ARID1B: variants seen among roughly 807,000 people sequenced by gnomAD.
ARID1B encodes the protein AT-rich interaction domain 1B.
ARID1B carries 30 observed loss-of-function variants against 212.3 expected under a neutral mutation model. The ratio of observed to expected loss-of-function variants is 0.14; its 90% CI spans 0.11 to 0.19. The LOEUF is 0.19. Ranked by LOEUF, ARID1B falls within the 10% of genes least tolerant of loss-of-function variation. The pLI is 1.00. For synonymous variants in ARID1B, 1,402 were observed against 1,301.7 expected, an observed-to-expected ratio of 1.08 and a Z score of -1.66; for missense variants, 2,891 against 3,204.0, an observed-to-expected ratio of 0.90 and a Z score of 2.36.
chr6:157,098,994 C>T (rs913605284), intron 5 of ARID1B, among the ~76,000 whole-genome samples: 6 of 152,104 alleles, frequency 3.9e-5, no homozygotes, highest in Admixed American at 1.3e-4. Context: ...GACGGAGTCT[C>T]GCTCTGTCAC....
intron 4 of ARID1B, among the ~76,000 whole-genome samples, chr6:156,956,787 G>C (rs994116114): frequency 6.6e-6 from 1 of 152,176 alleles, no homozygotes; most frequent in Non-Finnish European, 1.5e-5. Flanking sequence ...GTCCCTATCT[G>C]TGTTGTCCAG....
intron 1 of ARID1B, among the ~76,000 whole-genome samples, chr6:156,813,878 G>A (rs1781783931): frequency 6.6e-6 from 1 of 152,116 alleles, no homozygotes; most frequent in Admixed American, 6.6e-5. Flanking sequence ...CAGTGGAATA[G>A]CACGAGAAGT....
At position 156,839,704 on chromosome 6, in the gene ARID1B, C is replaced by T. The variant is rs192500017; in HGVS notation, c.1986+10283C>T. 5.9e-4 allele frequency among the ~76,000 whole-genome samples: 90 copies of T among 152,258 alleles called. 1 individual carries two copies. Among genetic ancestry groups the T allele is most frequent in the Admixed American group, 3.1e-3 (48 of 15,294 alleles). On this transcript the variant is annotated intron_variant, in intron 2 of 19. Coordinates refer to ENST00000636930, the MANE Select transcript of ARID1B (RefSeq NM_001374828.1). ...GCATCTGATGTATCACAGCACACTT[C>T]CAGGAATGGCGGTTAAGGGGTGCTT...
At chr6:156,952,367 C>T (rs1380849540) in intron 4 of ARID1B, among the ~76,000 whole-genome samples, 2 of 152,198 alleles carry the variant, frequency 1.3e-5, no homozygotes, top group African/African-American at 4.8e-5. Context: ...TTTTCTCGAA[C>T]TTACTGACTT....
intron 4 of ARID1B, among the ~76,000 whole-genome samples, chr6:157,053,831 T>C (rs1486992623): frequency 6.6e-6 from 1 of 152,162 alleles, no homozygotes; most frequent in East Asian, 1.9e-4. Flanking sequence ...CCCAGCACTT[T>C]GGGAGGCCGA....
intron 3 of ARID1B, among the ~76,000 whole-genome samples, chr6:156,905,549 G>A (rs62434286): frequency 0.047 from 7,132 of 152,234 alleles, 227 homozygotes; most frequent in Middle Eastern, 0.11. Context: ...TACCTTCCAA[G>A]ATCACATGTA....
chr6:157,165,889 C>A (rs570219105), intron 8 of ARID1B: 1 of 152,140 alleles, frequency 6.6e-6, no homozygotes, highest in Non-Finnish European at 1.5e-5. Context: ...TTATGTTAAT[C>A]TTTTAAAGGA....
In ARID1B at chr6:157,132,212, G is replaced by A. The variant is rs117004981; in HGVS notation, c.2582-816G>A. On this transcript the variant is annotated intron_variant, in intron 6 of 19. Coordinates refer to ENST00000636930, the MANE Select transcript of ARID1B (RefSeq NM_001374828.1). The stretch of plus-strand genomic sequence containing the variant: ...GGAAGAAGTACCATGCACGATCTAT[G>A]TCGGAGCGGAGTCACCAGGATGTGC... Among the ~76,000 whole-genome samples the A allele has an allele frequency of 5.7e-4, 87 of 152,344 alleles. No individual in the cohort carries two copies. In the East Asian group the frequency reaches 0.014, roughly 25 times the overall value.
intron 8 of ARID1B, among the ~76,000 whole-genome samples, chr6:157,162,904 C>T (rs1791038446): frequency 2.0e-5 from 3 of 152,254 alleles, no homozygotes; most frequent in Admixed American, 6.5e-5. Context: ...GCCATGGACT[C>T]GGCATCTGCA....
chr6:157,103,444 A>C (rs1236331287), intron 5 of ARID1B, among the ~76,000 whole-genome samples: 2 of 152,230 alleles, frequency 1.3e-5, no homozygotes, highest in Non-Finnish European at 2.9e-5. Context: ...AAATCGTAGA[A>C]CGTGGCACTT....
At chr6:156,820,096 A>G (rs1782249214) in intron 1 of ARID1B, among the ~76,000 whole-genome samples, 1 of 152,030 alleles carries the variant, frequency 6.6e-6, no homozygotes, top group East Asian at 1.9e-4. Context: ...GAGCCTGTGG[A>G]TGTCTGGGCA....
At chr6:157,147,192 C>T (rs1789795963) in intron 7 of ARID1B, among the ~76,000 whole-genome samples, 1 of 151,418 alleles carries the variant, frequency 6.6e-6, no homozygotes, top group African/African-American at 2.4e-5. Context: ...ACTGCCATCC[C>T]TCACCCCCGC....
At chr6:156,797,506 G>A (rs991223655) in intron 1 of ARID1B, among the ~76,000 whole-genome samples, 5 of 152,204 alleles carry the variant, frequency 3.3e-5, no homozygotes, top group Admixed American at 3.3e-4. Flanking sequence ...GAAATGACCA[G>A]TGGCAGCCCC....
At chr6:156,849,440 G>C (rs1252744041) in intron 2 of ARID1B, among the ~76,000 whole-genome samples, 1 of 152,180 alleles carries the variant, frequency 6.6e-6, no homozygotes, top group Non-Finnish European at 1.5e-5. Context: ...TAATTTTCAG[G>C]CTATACCCCA....
chr6:156,784,835 C>G (rs1779525329), intron 1 of ARID1B, among the ~76,000 whole-genome samples: 1 of 152,216 alleles, frequency 6.6e-6, no homozygotes, highest in Non-Finnish European at 1.5e-5. Flanking sequence ...TCTTGGCTCA[C>G]TGTGGCCTTG....
Position 156,779,469 on chromosome 6 carries a change from C to A in ARID1B, c.1789C>A (p.Gln597Lys). ...CCCCGGACCGACCATGGGCAGATCC[C>A]AGGTAACCCTCGCGCCAGCCGGGCC... ...GTPGPTMGRS[Q>K]GSPMDPMVMK... The change falls in exon 1 of 20, where the codon CAG becomes AAG. Residue 597 changes from glutamine to lysine, a missense_variant and splice_region_variant. Transcript: ENST00000636930. 4 of 1,402,100 alleles carry A rather than the reference C, an allele frequency of 2.9e-6. No individual in the cohort carries two copies. Among genetic ancestry groups the A allele is most frequent in the Non-Finnish European group, 3.7e-6 (4 of 1,072,116 alleles). 86.9% of individuals were successfully genotyped at this position (1,402,100 alleles called of 1,614,324 possible).
chr6:157,023,747 A>G (rs1252314617), intron 4 of ARID1B: 11 of 152,184 alleles, frequency 7.2e-5, no homozygotes, highest in Non-Finnish European at 1.6e-4. Flanking sequence ...AGTAATTTCT[A>G]TTTGCTGCAA....
chr6:157,062,261 G>A (rs1187174556), intron 4 of ARID1B, among the ~76,000 whole-genome samples: 4 of 151,308 alleles, frequency 2.6e-5, no homozygotes, highest in African/African-American at 4.9e-5. Flanking sequence ...GTACAGTGGC[G>A]CCATAGCTCA....
At position 156,779,028 on chromosome 6, in the gene ARID1B, G is replaced by A. The variant is rs1778958537; in HGVS notation, c.1348G>A (p.Val450Met). Residue 450 changes from valine (V) to methionine (M), a missense_variant, in exon 1 of 20, where the codon GTG (valine) becomes ATG (methionine). By Grantham distance (21) the Val-to-Met change is conservative. This residue lies in a region of ARID1B where 1,643 missense variants were observed against 1,544.0 expected (regional missense o/e 1.06). Coordinates refer to ENST00000636930, the MANE Select transcript of ARID1B (RefSeq NM_001374828.1). ...GYGGSSAGYG[V>M]LSSPRQQGGG... ...TGGGGGCTCGTCCGCGGGGTACGGG[G>A]TGCTGAGCTCCCCCCGGCAGCAGGG... is the stretch of plus-strand genomic sequence containing the variant. 2 of 1,240,912 alleles carry A rather than the reference G, an allele frequency of 1.6e-6. No individual in the cohort carries two copies. The highest frequency in any genetic ancestry group is 1.6e-5 in the African/African-American group (1 of 62,508). The allele number at this position is 1,240,912 out of a possible 1,614,324, so 76.9% of individuals were successfully genotyped here.
Sources: gnomAD v4.1 joint callset for allele counts (sites outside exome capture counted in the v4.1 genomes callset) on GRCh38, gnomAD v4.1.1 for gene constraint, gnomAD v4.1.1 regional missense constraint, MANE v1.5 for transcripts, NCBI Gene and HGNC (gene_info 2026-07-23, HGNC 2026-07-21) for gene names.